RERE: variants seen among roughly 807,000 people sequenced by gnomAD.
RERE encodes arginine-glutamic acid dipeptide repeats protein.
RERE carries 40 observed loss-of-function variants against 146.1 expected under a neutral mutation model. The observed-to-expected ratio is 0.27, with a 90% confidence interval of 0.21 to 0.36. RERE has a LOEUF of 0.36. Ranked by LOEUF, RERE falls within the 10% of genes least tolerant of loss-of-function variation. RERE has a pLI of 1.00. For missense variants in RERE, 1,933 were observed against 2,138.7 expected (o/e 0.90, Z 1.90); for synonymous variants, 1,003 against 866.0 (o/e 1.16, Z -2.78).
intron 10 of RERE, among the ~76,000 whole-genome samples, chr1:8,493,554 A>C (rs1256786783): frequency 6.6e-6 from 1 of 152,204 alleles, no homozygotes; most frequent in Non-Finnish European, 1.5e-5. Flanking sequence ...TGCACAGTAG[A>C]TTTCTAAATC....
At chr1:8,382,884 CA>C (rs1422455144) in intron 12 of RERE, among the ~76,000 whole-genome samples, 1 of 151,766 alleles carries the variant, frequency 6.6e-6, no homozygotes, top group African/African-American at 2.4e-5. Context: ...ATGGAAGTGC[CA>C]AAAAGGAGCC....
chr1:8,419,204 G>T (rs1643856552), intron 12 of RERE, among the ~76,000 whole-genome samples: 1 of 152,144 alleles, frequency 6.6e-6, no homozygotes, highest in Non-Finnish European at 1.5e-5. Context: ...GATTTGACTT[G>T]TAGTTATTCT....
At position 8,356,087 on chromosome 1, in the gene RERE, G is replaced by A. The variant is rs1557580575; in HGVS notation, c.4486+13C>T. ...ACACGGCCTCCCCGCCCCTCCTGGA[G>A]GGGAAGTCTTACCGAAAACTGGGTG... On this transcript the variant is annotated intron_variant, in intron 21 of 22. Coordinates refer to ENST00000400908, the MANE Select transcript of RERE (RefSeq NM_001042681.2). This position sits in a 1 kb window ranked among gnomAD's most constrained non-coding sequence, Gnocchi z 5.2. 7.4e-6 allele frequency: 11 copies of A among 1,488,062 alleles called. No individual in the cohort carries two copies. The highest frequency in any genetic ancestry group is 2.8e-5 in the South Asian group (2 of 72,622). 92.2% of individuals were successfully genotyped at this position (1,488,062 alleles called of 1,614,324 possible).
rs1044216668 is a variant in RERE at position 8,433,839 on chromosome 1, C to T, written c.1204-11032G>A. Among the ~76,000 whole-genome samples, 6 of 152,170 alleles carry T rather than the reference C, an allele frequency of 3.9e-5. No homozygotes were observed. In the East Asian group the frequency reaches 7.7e-4, roughly 20 times the overall value. ...CCTCCCAAAGTGCTGGGATTACAGG[C>T]GTGAGCCACCGCGCCCGGCCCCATT... On this transcript the variant is annotated intron_variant, in intron 11 of 22. Transcript: ENST00000400908.
chr1:8,412,335 CCA>C (rs1249713895), intron 12 of RERE, among the ~76,000 whole-genome samples: 2 of 152,304 alleles, frequency 1.3e-5, no homozygotes, highest in African/African-American at 4.8e-5. Context: ...ATAAAAAATT[CCA>C]CAGACTGTTT....
intron 3 of RERE, 110 bp downstream of exon 3, chr1:8,624,200 G>A: frequency 4.7e-6 from 4 of 844,228 alleles, no homozygotes; most frequent in Non-Finnish European, 7.9e-6. Context: ...CACTCAAAAG[G>A]TGAACTGGTA....
chr1:8,814,085 CCT>C (rs1008307706), intron 1 of RERE, among the ~76,000 whole-genome samples: 20 of 152,092 alleles, frequency 1.3e-4, no homozygotes, highest in African/African-American at 4.3e-4. Context: ...ACTGAAATCC[CCT>C]GAATCCATTC....
At chr1:8,771,507 G>C (rs1455188288) in intron 1 of RERE, among the ~76,000 whole-genome samples, 1 of 135,428 alleles carries the variant, frequency 7.4e-6, no homozygotes, top group Non-Finnish European at 1.5e-5. Context: ...CTGGGTGACA[G>C]AGAGAAACTT....
At chr1:8,547,299 G>A (rs1645875646) in intron 6 of RERE, among the ~76,000 whole-genome samples, 1 of 152,040 alleles carries the variant, frequency 6.6e-6, no homozygotes, top group Non-Finnish European at 1.5e-5. Context: ...ATCAACATAG[G>A]TATTTTAATA....
At chr1:8,634,971 G>A (rs1557447553) in intron 2 of RERE, among the ~76,000 whole-genome samples, 2 of 152,136 alleles carry the variant, frequency 1.3e-5, no homozygotes, top group South Asian at 2.1e-4. Flanking sequence ...TCCCGACCTC[G>A]TGATCCGCCT....
intron 3 of RERE, among the ~76,000 whole-genome samples, chr1:8,623,354 G>A (rs1646938621): frequency 6.6e-6 from 1 of 152,136 alleles, no homozygotes; most frequent in Admixed American, 6.5e-5. Context: ...GGGAGGCTGA[G>A]GCAGGAGAAT....
chr1:8,380,328 A>G (rs1389486535), intron 12 of RERE, among the ~76,000 whole-genome samples: 2 of 147,152 alleles, frequency 1.4e-5, no homozygotes, highest in Non-Finnish European at 3.0e-5. Flanking sequence ...ACAACTCCCA[A>G]AAGTCAACAG....
intron 4 of RERE, among the ~76,000 whole-genome samples, chr1:8,575,428 C>T (rs1233498054): frequency 6.9e-6 from 1 of 144,552 alleles, no homozygotes; most frequent in African/African-American, 2.6e-5. Context: ...GTTGTCCAGG[C>T]TGGAGTGCAC....
chr1:8,495,029 G>A, intron 10 of RERE, 34 bp downstream of exon 10: 2 of 1,443,566 alleles, frequency 1.4e-6, no homozygotes, highest in Non-Finnish European at 2.0e-6. Flanking sequence ...AAAAAGAAGT[G>A]TCTTCCCACT....
intron 1 of RERE, among the ~76,000 whole-genome samples, chr1:8,804,807 A>G (rs1641652981): frequency 6.6e-6 from 1 of 152,196 alleles, no homozygotes; most frequent in South Asian, 2.1e-4. Flanking sequence ...GCATGAAGGT[A>G]GCATACTGGT....
At chr1:8,795,559 C>T (rs746538442) in intron 1 of RERE, among the ~76,000 whole-genome samples, 8 of 152,142 alleles carry the variant, frequency 5.3e-5, no homozygotes, top group Non-Finnish European at 1.0e-4. Context: ...GGCACATAAT[C>T]ATACTTCAAG....
Position 8,734,013 on chromosome 1 carries a change from C to G in RERE, c.-144-77572G>C, listed in dbSNP as rs562671956. Among the ~76,000 whole-genome samples, 15 of 145,688 alleles carry G rather than the reference C, an allele frequency of 1.0e-4. No homozygotes were observed. The South Asian group carries it at 3.2e-3, about 31-fold the overall frequency. On this transcript the variant is annotated intron_variant, in intron 1 of 22. Transcript: ENST00000400908. ...AGCTACTCTACTCGGGAGGCTGATGCAGGAGAATTGCTTGAACCCAGAGGT... is the reference window on the plus strand; with the variant it reads ...AGCTACTCTACTCGGGAGGCTGATGGAGGAGAATTGCTTGAACCCAGAGGT...
intron 4 of RERE, among the ~76,000 whole-genome samples, chr1:8,601,940 T>C: frequency 6.8e-6 from 1 of 146,690 alleles, no homozygotes; most frequent in East Asian, 2.0e-4. Context: ...AAGAGAAACT[T>C]CACTGTCTGT....
chr1:8,355,106 T>C lies in RERE; in HGVS notation c.4682A>G (p.Glu1561Gly). The stretch of plus-strand genomic sequence containing the variant: ...AATAACTTATAACTGCTTGTCACCT[T>C]CTTTCTTCAGTCGACTGGAAAGACA... ...QEDYYSRLKK[E>G]GDKQL The change falls in exon 23 of 23, where the codon GAA becomes GGA. Residue 1561 changes from glutamate to glycine, a missense_variant. By Grantham distance (98) the Glu-to-Gly change is moderately conservative (BLOSUM62 -2). Around this residue, in one of 11 missense-constraint regions of RERE, gnomAD observed 133 missense variants for 168.6 expected, o/e 0.79. Transcript: ENST00000400908. 6.2e-7 allele frequency: 1 copy of C among 1,613,968 alleles called. No homozygotes were observed. The highest frequency in any genetic ancestry group is 8.5e-7 in the Non-Finnish European group (1 of 1,179,922).
Sources: gnomAD v4.1 joint callset for allele counts (sites outside exome capture counted in the v4.1 genomes callset) on GRCh38, gnomAD v4.1.1 for gene constraint, gnomAD v4.1.1 regional missense constraint, Gnocchi (gnomAD v3.1) non-coding constraint, MANE v1.5 for transcripts, NCBI Gene and HGNC (gene_info 2026-07-23, HGNC 2026-07-21) for gene names.